The following CTBP2 variants were observed in gnomAD, a reference collection of about 807,000 sequenced individuals.
CTBP2 encodes the protein C-terminal-binding protein 2.
A neutral mutation model predicts 80.3 loss-of-function variants in CTBP2; 30 were observed. That is an observed-to-expected ratio of 0.37 (90% confidence interval 0.28 to 0.51). CTBP2 has a LOEUF of 0.51. Ranked by LOEUF, CTBP2 falls within the 20% of genes least tolerant of loss-of-function variation. The pLI, the probability that CTBP2 is intolerant of heterozygous loss-of-function variation, is 0.93. For synonymous variants in CTBP2, 594 were observed against 587.4 expected (o/e 1.01, Z -0.16); for missense variants, 1,212 against 1,375.3 (o/e 0.88, Z 1.88).
At chr10:125,054,007 C>G (rs1012492745) in intron 2 of CTBP2, among the ~76,000 whole-genome samples, 2 of 152,138 alleles carry the variant, frequency 1.3e-5, no homozygotes, top group Non-Finnish European at 2.9e-5. Context: ...CAGCCACCCA[C>G]CGGTGACACA....
intron 2 of CTBP2, among the ~76,000 whole-genome samples, chr10:125,096,682 T>TA (rs1367270296): frequency 1.4e-5 from 2 of 140,782 alleles, no homozygotes; most frequent in Non-Finnish European, 3.0e-5. Context: ...CATTAAGGTT[T>TA]AAAAAAAAGC....
intron 2 of CTBP2, among the ~76,000 whole-genome samples, chr10:125,057,779 C>A (rs1177454194): frequency 6.6e-6 from 1 of 152,188 alleles, no homozygotes; most frequent in African/African-American, 2.4e-5. Context: ...CTTGGAGGAG[C>A]TTTGTCTGAG....
At chr10:125,148,620 C>A (rs1342898077) in intron 1 of CTBP2, among the ~76,000 whole-genome samples, 1 of 152,174 alleles carries the variant, frequency 6.6e-6, no homozygotes, top group Admixed American at 6.5e-5. Flanking sequence ...TGAGTCATAA[C>A]CCCCCTCCCT....
At chr10:125,133,056 C>T (rs1359374783) in intron 1 of CTBP2, among the ~76,000 whole-genome samples, 1 of 152,164 alleles carries the variant, frequency 6.6e-6, no homozygotes, top group Non-Finnish European at 1.5e-5. Flanking sequence ...CTGAACTTGG[C>T]CCTGCACCTG....
chr10:125,070,118 G>A (rs1210492889), intron 2 of CTBP2, among the ~76,000 whole-genome samples: 2 of 99,936 alleles, frequency 2.0e-5, no homozygotes, highest in Non-Finnish European at 4.3e-5. Context: ...TTGGGAGGCC[G>A]AGGCAGGCGG....
At chr10:125,057,615 G>C (rs1176410448) in intron 2 of CTBP2, among the ~76,000 whole-genome samples, 1 of 152,192 alleles carries the variant, frequency 6.6e-6, no homozygotes, top group African/African-American at 2.4e-5. Context: ...GGAACACAAA[G>C]AGGGTCACTT....
At chr10:125,035,271 T>C (rs1027346151) in intron 3 of CTBP2, among the ~76,000 whole-genome samples, 1 of 152,236 alleles carries the variant, frequency 6.6e-6, no homozygotes, top group African/African-American at 2.4e-5. Context: ...CTCAACGTTC[T>C]CATTCCTTTT....
At chr10:125,083,605 C>A (rs541737205) in intron 2 of CTBP2, among the ~76,000 whole-genome samples, 1 of 152,090 alleles carries the variant, frequency 6.6e-6, no homozygotes, top group African/African-American at 2.4e-5. Flanking sequence ...CACCTTAGTC[C>A]GAACAAGCAC....
intron 2 of CTBP2, among the ~76,000 whole-genome samples, chr10:125,089,608 A>C (rs1208483332): frequency 2.0e-5 from 3 of 152,228 alleles, no homozygotes; most frequent in Non-Finnish European, 4.4e-5. Flanking sequence ...GAACACACCC[A>C]GAAGGACCAG....
intron 2 of CTBP2, among the ~76,000 whole-genome samples, chr10:125,043,807 AAGTGC>A (rs2135072662): frequency 1.3e-5 from 2 of 152,376 alleles, no homozygotes; most frequent in South Asian, 4.1e-4. Context: ...TTTATAGAGT[AAGTGC>A]ATGCCTTTGA....
intron 1 of CTBP2, among the ~76,000 whole-genome samples, chr10:125,130,413 G>A (rs969664857): frequency 2.4e-4 from 36 of 152,068 alleles, no homozygotes; most frequent in African/African-American, 8.7e-4. Context: ...CCTTGGCCAC[G>A]GTTCCCCAAG....
chr10:125,159,462 G>T (rs866559087), intron 1 of CTBP2, among the ~76,000 whole-genome samples: 219 of 146,066 alleles, frequency 1.5e-3, no homozygotes, highest in African/African-American at 5.1e-3. Context: ...CCGCCCCGCC[G>T]CGACTTTGGC....
intron 2 of CTBP2, among the ~76,000 whole-genome samples, chr10:125,094,154 G>GT (rs1849197646): frequency 6.6e-6 from 1 of 152,184 alleles, no homozygotes; most frequent in Admixed American, 6.5e-5. Flanking sequence ...AAAGCAGGCG[G>GT]TAAGTTACGC....
intron 2 of CTBP2, among the ~76,000 whole-genome samples, chr10:125,070,887 C>T (rs1046469191): frequency 6.6e-6 from 1 of 152,148 alleles, no homozygotes; most frequent in South Asian, 2.1e-4. Context: ...CTCTCAGTCT[C>T]CCAAAGTGCC....
intron 3 of CTBP2, among the ~76,000 whole-genome samples, chr10:125,002,143 A>G (rs1262818621): frequency 6.6e-6 from 1 of 152,034 alleles, no homozygotes; most frequent in Non-Finnish European, 1.5e-5. Context: ...AATTTGGGGC[A>G]CCTCAGCACT....
chr10:125,122,145 T>C (rs946474287), intron 1 of CTBP2, among the ~76,000 whole-genome samples: 2 of 152,240 alleles, frequency 1.3e-5, no homozygotes, highest in African/African-American at 2.4e-5. Flanking sequence ...ATATTATCTA[T>C]TGATTCATGC....
At chr10:125,108,513 T>C (rs1214210983) in intron 2 of CTBP2, among the ~76,000 whole-genome samples, 1 of 152,074 alleles carries the variant, frequency 6.6e-6, no homozygotes, top group African/African-American at 2.4e-5. Context: ...GGTCCTTACT[T>C]TGGTTACAAT....
chr10:124,991,508 C>CATGT (rs1952611486), intron 8 of CTBP2, among the ~76,000 whole-genome samples: 1 of 152,164 alleles, frequency 6.6e-6, no homozygotes, highest in Non-Finnish European at 1.5e-5. Flanking sequence ...TGAAGACAGC[C>CATGT]ATGTGACCTG....
At chr10:125,003,980 G>A (rs1483342387) in intron 1 of CTBP2, among the ~76,000 whole-genome samples, 2 of 152,226 alleles carry the variant, frequency 1.3e-5, no homozygotes, top group African/African-American at 4.8e-5. Flanking sequence ...TGGCGGGTCT[G>A]GGGCAGGGAA....
Sources: gnomAD v4.1 joint callset for allele counts (sites outside exome capture counted in the v4.1 genomes callset) on GRCh38, gnomAD v4.1.1 for gene constraint, MANE v1.5 for transcripts, NCBI Gene and HGNC (gene_info 2026-07-23, HGNC 2026-07-21) for gene names.